Variants in ANKRD39 observed in about 807,000 individuals in gnomAD.
ANKRD39 encodes the protein ankyrin repeat domain-containing protein 39.
Under a neutral mutation model 20.3 loss-of-function variants are expected in ANKRD39, and 18 were observed. That is an observed-to-expected ratio of 0.89 (90% CI 0.61 to 1.32). The LOEUF (loss-of-function observed/expected upper bound fraction) is 1.32, where lower values mean the gene tolerates loss of function less well. Among genes scored for constraint, ANKRD39 ranks in the 40% most tolerant of loss-of-function variants. The probability of loss-of-function intolerance (pLI) is 0.00; values close to 1 mark genes in which losing one functional copy is unlikely to be tolerated. For synonymous variants in ANKRD39, 106 were observed against 111.9 expected, an observed-to-expected ratio of 0.95 and a Z score of 0.33; for missense variants, 243 against 250.7, an observed-to-expected ratio of 0.97 and a Z score of 0.21.
intron 1 of ANKRD39, among the ~76,000 whole-genome samples, chr2:96,855,821 C>T (rs1043344283): frequency 1.3e-5 from 2 of 150,992 alleles, no homozygotes; most frequent in African/African-American, 4.9e-5. Context: ...ACTAAAAATA[C>T]AAAACAAAAT....
chr2:96,849,893 C>T (rs1228546254), intron 3 of ANKRD39, among the ~76,000 whole-genome samples: 2 of 152,190 alleles, frequency 1.3e-5, no homozygotes, highest in African/African-American at 4.8e-5. Context: ...AATTTCTAAC[C>T]TACCTCCCCC....
At position 96,853,387 on chromosome 2, in the gene ANKRD39, G is replaced by A; in HGVS notation, c.408+14C>T. 6.4e-7 allele frequency: 1 copy of A among 1,560,146 alleles called. No homozygotes were observed. On this transcript the variant is annotated intron_variant, in intron 3 of 3. Coordinates refer to ENST00000393537, the MANE Select transcript of ANKRD39 (RefSeq NM_016466.6). ...ATAAGGAAACGACATTTTTGGAAGG[G>A]GGAACGGGCCCACCTTATGCAGACT... is the stretch of plus-strand genomic sequence containing the variant.
intron 1 of ANKRD39, among the ~76,000 whole-genome samples, chr2:96,855,972 T>TCAACAACAA (rs140575907): frequency 6.6e-6 from 1 of 151,422 alleles, no homozygotes; most frequent in Non-Finnish European, 1.5e-5. Context: ...AGACTCCGAC[T>TCAACAACAA]CAACAACAAC....
intron 1 of ANKRD39, among the ~76,000 whole-genome samples, chr2:96,856,191 A>T (rs1239928521): frequency 6.6e-6 from 1 of 152,146 alleles, no homozygotes; most frequent in Non-Finnish European, 1.5e-5. Flanking sequence ...TGAAAGCAAG[A>T]TGCCGGGTGC....
At chr2:96,850,431 G>A (rs767261145) in intron 3 of ANKRD39, among the ~76,000 whole-genome samples, 15 of 152,180 alleles carry the variant, frequency 9.9e-5, no homozygotes, top group Non-Finnish European at 1.8e-4. Context: ...TTGGGAGGCC[G>A]AGGGAGGGGG....
At chr2:96,855,260 G>A (rs1460828790) in intron 1 of ANKRD39, among the ~76,000 whole-genome samples, 1 of 152,054 alleles carries the variant, frequency 6.6e-6, no homozygotes, top group East Asian at 1.9e-4. Context: ...CAAATCAACA[G>A]AACATTAGGA....
chr2:96,856,051 GTTTC>G (rs1403890886), intron 1 of ANKRD39, among the ~76,000 whole-genome samples: 5 of 152,192 alleles, frequency 3.3e-5, no homozygotes, highest in Non-Finnish European at 7.3e-5. Flanking sequence ...AAATCTCACA[GTTTC>G]TTTTATTTGT....
At chr2:96,857,697 C>T (rs1385620274) in intron 1 of ANKRD39, among the ~76,000 whole-genome samples, 191 bp downstream of exon 1, 3 of 152,266 alleles carry the variant, frequency 2.0e-5, no homozygotes, top group Non-Finnish European at 4.4e-5. Context: ...TGTCTCCTGG[C>T]CGAGCTCGTG....
At chr2:96,855,778 C>A (rs1170064366) in intron 1 of ANKRD39, among the ~76,000 whole-genome samples, 2 of 151,202 alleles carry the variant, frequency 1.3e-5, no homozygotes, top group South Asian at 4.2e-4. Context: ...GAGATCAAGA[C>A]CATCCTGGCT....
chr2:96,848,180 G>T lies in ANKRD39; in HGVS notation c.*121C>A. ...CCTCGCTTCCACAGTGACCAGACTG[G>T]GGCTCTTCCTGGGTGGTCTGGCCTC... On this transcript the variant is annotated 3_prime_UTR_variant, in exon 4 of 4. Transcript: ENST00000393537. 1 of 1,384,092 alleles carries T rather than the reference G, an allele frequency of 7.2e-7. No individual in the cohort carries two copies. The highest frequency in any genetic ancestry group is 2.3e-5 in the East Asian group (1 of 42,730). The allele number at this position is 1,384,092 out of a possible 1,614,324, so 85.7% of individuals were successfully genotyped here.
Position 96,857,940 on chromosome 2 carries a change from G to C in ANKRD39, c.48C>G (p.Pro16=), listed in dbSNP as rs556825086. 6.3e-7 allele frequency: 1 copy of C among 1,581,946 alleles called. No individual in the cohort carries two copies. Among genetic ancestry groups the C allele is most frequent in the East Asian group, 2.3e-5 (1 of 43,848 alleles). Residue 16 remains proline (P), a synonymous_variant, in exon 1 of 4, where the codon CCC becomes CCG. Coordinates refer to ENST00000393537, the MANE Select transcript of ANKRD39 (RefSeq NM_016466.6). ...TCTGCTGTACGCCGAGCACCGCGCT[G>C]GGATGCGAGCAGCAGGGCCCGTCCG... The part of the protein sequence containing the change: ...PCADGPCCSH[P]SAVLGVQQTL...
At chr2:96,851,671 G>T (rs2079837709) in intron 3 of ANKRD39, among the ~76,000 whole-genome samples, 1 of 152,130 alleles carries the variant, frequency 6.6e-6, no homozygotes, top group Non-Finnish European at 1.5e-5. Context: ...ATTTCCAGGG[G>T]TACAGGAATT....
At chr2:96,856,299 C>T (rs1054349118) in intron 1 of ANKRD39, among the ~76,000 whole-genome samples, 18 of 151,622 alleles carry the variant, frequency 1.2e-4, no homozygotes, top group Non-Finnish European at 2.9e-5. Flanking sequence ...ATGGTGAAAC[C>T]CCGGTCTCTA....
rs1282462421 is a variant in ANKRD39 at position 96,848,357 on chromosome 2, G to C, written c.496C>G (p.Leu166Val). 23 of 1,614,210 alleles carry C rather than the reference G, an allele frequency of 1.4e-5. No homozygotes were observed. The highest frequency in any genetic ancestry group is 2.7e-5 in the African/African-American group (2 of 75,056). ...TTGCAAGGCAGCAGGTCACATGCTAGCCGTGCCTTTCGGTCCCGGATGGCC... is the reference window on the plus strand; with the variant it reads ...TTGCAAGGCAGCAGGTCACATGCTACCCGTGCCTTTCGGTCCCGGATGGCC... ...LKAIRDRKAR[L>V]ACDLLPCNSD... The change falls in exon 4 of 4, where the codon CTA becomes GTA. Residue 166 changes from leucine (L) to valine (V), a missense_variant. Coordinates refer to ENST00000393537, the MANE Select transcript of ANKRD39 (RefSeq NM_016466.6).
chr2:96,852,701 A>G (rs2079844354), intron 3 of ANKRD39, among the ~76,000 whole-genome samples: 1 of 152,238 alleles, frequency 6.6e-6, no homozygotes, highest in African/African-American at 2.4e-5. Context: ...AGATTTACAC[A>G]TGATTTACAC....
chr2:96,848,345 G>C lies in ANKRD39; in HGVS notation c.508C>G (p.Leu170Val), dbSNP rs1213012908. The change falls in exon 4 of 4, where the codon CTG (leucine) becomes GTG (valine). Residue 170 changes from leucine to valine, a missense_variant. Leu to Val is a conservative substitution (Grantham distance 32, BLOSUM62 1). Transcript: ENST00000393537. ...CGCAGGTCACTGTTGCAAGGCAGCA[G>C]GTCACATGCTAGCCGTGCCTTTCGG... ...RDRKARLACD[L>V]LPCNSDLRDL... The C allele has an allele frequency of 1.2e-6, 2 of 1,614,080 alleles. No individual in the cohort carries two copies. Among genetic ancestry groups the C allele is most frequent in the Admixed American group, 3.3e-5 (2 of 60,012 alleles).
Position 96,848,236 on chromosome 2 carries a change from C to T in ANKRD39, c.*65G>A. ...CCTGCCCAGCAGCATGGATGCTGAC[C>T]AAGGCAGGGGCTTGGAGAACTGGTC... is the stretch of plus-strand genomic sequence containing the variant. On this transcript the variant is annotated 3_prime_UTR_variant, in exon 4 of 4. Coordinates refer to ENST00000393537, the MANE Select transcript of ANKRD39 (RefSeq NM_016466.6). The T allele has an allele frequency of 6.3e-7, 1 of 1,588,342 alleles. No homozygotes were observed. Among genetic ancestry groups the T allele is most frequent in the Non-Finnish European group, 8.6e-7 (1 of 1,163,022 alleles).
At position 96,858,001 on chromosome 2, in the gene ANKRD39, T is replaced by C. The variant is rs187403668; in HGVS notation, c.-14A>G. 12 of 1,519,620 alleles carry C rather than the reference T, an allele frequency of 7.9e-6. No individual in the cohort carries two copies. The African/African-American group carries it at 1.1e-4, about 14-fold the overall frequency. 94.1% of individuals were successfully genotyped at this position (1,519,620 alleles called of 1,614,324 possible). ...AGGCGTCGCCATCCCGGCCCCGGCG[T>C]CAGTCGATCCGCCCCGGGTCTCAGG... On this transcript the variant is annotated 5_prime_UTR_variant, in exon 1 of 4. Transcript: ENST00000393537.
intron 1 of ANKRD39, among the ~76,000 whole-genome samples, 174 bp from the exon 2 acceptor site, chr2:96,854,615 T>C (rs1173412697): frequency 2.0e-5 from 3 of 152,212 alleles, no homozygotes; most frequent in Non-Finnish European, 2.9e-5. Context: ...GTGACTTAGC[T>C]GTGAACAAGA....
Sources: gnomAD v4.1 joint callset for allele counts (sites outside exome capture counted in the v4.1 genomes callset) on GRCh38, gnomAD v4.1.1 for gene constraint, MANE v1.5 for transcripts, NCBI Gene and HGNC (gene_info 2026-07-23, HGNC 2026-07-21) for gene names.